AGMO: variants seen among roughly 807,000 people sequenced by gnomAD.
The protein encoded by AGMO is alkylglycerol monooxygenase, also known as glyceryl-ether monooxygenase.
AGMO carries 75 observed loss-of-function variants against 60.2 expected under a neutral mutation model. The ratio of observed to expected loss-of-function variants is 1.25; its 90% confidence interval spans 1.03 to 1.51. The LOEUF (loss-of-function observed/expected upper bound fraction) is 1.51. AGMO is among the 40% of genes most tolerant of loss of function. The probability of loss-of-function intolerance (pLI) is 0.00; values close to 1 mark genes in which losing one functional copy is unlikely to be tolerated. For synonymous variants in AGMO, 261 were observed against 177.1 expected (o/e 1.47, Z -3.76); for missense variants, 763 against 525.5 (o/e 1.45, Z -4.42).
In AGMO at chr7:15,201,324, A is replaced by G. The variant is rs773380857; in HGVS notation, c.1299T>C (p.Val433=). 6.2e-7 allele frequency: 1 copy of G among 1,612,932 alleles called. No individual in the cohort carries two copies. The highest frequency in any genetic ancestry group is 8.5e-7 in the Non-Finnish European group (1 of 1,179,462). ...VFSICIAFWG[V]RSMKQLTSHP... Reference sequence around the variant, plus strand: ...GAGAGGTGAGTTGTTTCATGCTTCTAACTCCCCAGAAAGCAATGCAAATGG... The same window carrying G: ...GAGAGGTGAGTTGTTTCATGCTTCTGACTCCCCAGAAAGCAATGCAAATGG... Residue 433 remains valine (V), a synonymous_variant, in exon 13 of 13, where the codon GTT becomes GTC. Coordinates refer to ENST00000342526, the MANE Select transcript of AGMO (RefSeq NM_001004320.2).
chr7:15,191,632 C>A, the AGMO span, among the ~76,000 whole-genome samples: 4 of 152,164 alleles, frequency 2.6e-5, no homozygotes, highest in African/African-American at 9.7e-5. Context: ...TGAATGGATT[C>A]TTGAAACTGT....
At chr7:15,180,542 T>C in the AGMO span, among the ~76,000 whole-genome samples, 2 of 152,116 alleles carry the variant, frequency 1.3e-5, no homozygotes, top group African/African-American at 2.4e-5. Context: ...ACCACCATTT[T>C]GGCCATGACC....
At chr7:15,277,977 G>A (rs895007343) in intron 12 of AGMO, among the ~76,000 whole-genome samples, 1 of 152,136 alleles carries the variant, frequency 6.6e-6, no homozygotes, top group Admixed American at 6.5e-5. Context: ...TGAGGGGTCT[G>A]TACAAGTTTT....
chr7:15,420,560 C>G (rs73068503), intron 4 of AGMO, among the ~76,000 whole-genome samples: 24,026 of 152,034 alleles, frequency 0.16, 1,998 homozygotes, highest in Non-Finnish European at 0.19. Flanking sequence ...TCTAATGACA[C>G]AATCAAGGTT....
the AGMO span, among the ~76,000 whole-genome samples, chr7:15,191,503 A>G: frequency 1.3e-5 from 2 of 152,200 alleles, no homozygotes; most frequent in Non-Finnish European, 2.9e-5. Context: ...TGACCCAGTC[A>G]GATGACATAG....
At chr7:15,395,004 A>G (rs977837505) in intron 5 of AGMO, among the ~76,000 whole-genome samples, 10 of 152,226 alleles carry the variant, frequency 6.6e-5, no homozygotes, top group Non-Finnish European at 1.3e-4. Flanking sequence ...TCATGAAAAA[A>G]GTATAGCAGC....
At chr7:15,357,746 T>TC (rs1438800155) in intron 12 of AGMO, among the ~76,000 whole-genome samples, 3 of 152,212 alleles carry the variant, frequency 2.0e-5, no homozygotes, top group African/African-American at 7.2e-5. Flanking sequence ...GAGAAGTCTT[T>TC]CCACATTCGC....
chr7:15,255,547 AAAAG>A (rs1554402211), intron 12 of AGMO, among the ~76,000 whole-genome samples: 18 of 150,448 alleles, frequency 1.2e-4, no homozygotes, highest in Non-Finnish European at 1.5e-4. Context: ...AAAAAAAAAA[AAAAG>A]AAAGAAAGAA....
chr7:15,119,932 T>C, the AGMO span, among the ~76,000 whole-genome samples: 2 of 27,046 alleles, frequency 7.4e-5, no homozygotes, highest in African/African-American at 3.5e-4. Context: ...TCATGCATGC[T>C]TTTTTTTTTT....
chr7:15,547,505 G>A (rs1784815390), intron 2 of AGMO, among the ~76,000 whole-genome samples: 1 of 152,182 alleles, frequency 6.6e-6, no homozygotes. Flanking sequence ...CCTCACTCGG[G>A]AAGCGCAAGG....
In AGMO at chr7:15,477,523, A is replaced by T. The variant is rs573162452; in HGVS notation, c.410-46415T>A. Among the ~76,000 whole-genome samples, 36 of 152,250 alleles carry T rather than the reference A, an allele frequency of 2.4e-4. 1 individual carries two copies. Among genetic ancestry groups the T allele is most frequent in the Admixed American group, 2.0e-4 (3 of 15,274 alleles). On this transcript the variant is annotated intron_variant, in intron 3 of 12. Transcript: ENST00000342526. ...ATTGGCAGCTGCCAATAGAATTTTTAAAAGTTTCTTAGTTTGCATACATTG... is the reference window on the plus strand; with the variant it reads ...ATTGGCAGCTGCCAATAGAATTTTTTAAAGTTTCTTAGTTTGCATACATTG...
At chr7:15,125,012 T>TA in the AGMO span, among the ~76,000 whole-genome samples, 1 of 151,786 alleles carries the variant, frequency 6.6e-6, no homozygotes, top group Non-Finnish European at 1.5e-5. Context: ...TGTGAACATA[T>TA]AAAAAAAGGG....
chr7:15,371,342 C>G (rs1179506038), intron 10 of AGMO, among the ~76,000 whole-genome samples: 1 of 101,584 alleles, frequency 9.8e-6, no homozygotes, highest in Admixed American at 9.6e-5. Flanking sequence ...GCCTCAGCCT[C>G]CAGAGGTAGC....
intron 12 of AGMO, among the ~76,000 whole-genome samples, chr7:15,352,513 C>T (rs1462744860): frequency 6.7e-6 from 1 of 149,762 alleles, no homozygotes; most frequent in Non-Finnish European, 1.5e-5. Context: ...TCAGAGGGAA[C>T]TGGGCGTTTG....
the AGMO span, among the ~76,000 whole-genome samples, chr7:15,140,984 C>G: frequency 1.8e-4 from 27 of 152,116 alleles, no homozygotes; most frequent in African/African-American, 6.3e-4. Context: ...TAGTCAACGA[C>G]CTTTCAGAGT....
the AGMO span, among the ~76,000 whole-genome samples, chr7:15,172,983 A>C: frequency 6.6e-6 from 1 of 152,140 alleles, no homozygotes. Context: ...TTCTCAAATA[A>C]CTAGGTCTCA....
At chr7:15,204,376 C>T (rs1403428474) in intron 12 of AGMO, among the ~76,000 whole-genome samples, 1 of 152,110 alleles carries the variant, frequency 6.6e-6, no homozygotes, top group Non-Finnish European at 1.5e-5. Context: ...CTTGATAGTT[C>T]ATTAACACAT....
At chr7:15,216,766 A>C (rs1039749829) in intron 12 of AGMO, among the ~76,000 whole-genome samples, 1 of 152,100 alleles carries the variant, frequency 6.6e-6, no homozygotes, top group African/African-American at 2.4e-5. Context: ...GGATCAATAG[A>C]TCAACACATA....
intron 12 of AGMO, among the ~76,000 whole-genome samples, chr7:15,273,287 C>G (rs1336333713): frequency 1.3e-5 from 2 of 152,100 alleles, no homozygotes; most frequent in South Asian, 4.1e-4. Flanking sequence ...TTCAATCCAC[C>G]TTGAATTAAT....
Sources: gnomAD v4.1 joint callset for allele counts (sites outside exome capture counted in the v4.1 genomes callset) on GRCh38, gnomAD v4.1.1 for gene constraint, MANE v1.5 for transcripts, NCBI Gene and HGNC (gene_info 2026-07-23, HGNC 2026-07-21) for gene names.